The following PLAAT1 variants were observed in gnomAD, a reference collection of about 807,000 sequenced individuals.
The protein encoded by PLAAT1 is H-REV107 protein-related protein.
PLAAT1 carries 13 observed loss-of-function variants against 16.4 expected under a neutral mutation model. The observed-to-expected ratio is 0.79, with a 90% CI of 0.52 to 1.26. The LOEUF (loss-of-function observed/expected upper bound fraction) is 1.26. Among genes scored for constraint, PLAAT1 ranks in the 50% most tolerant of loss-of-function variants. PLAAT1 has a pLI of 0.00. For synonymous variants in PLAAT1, 73 were observed against 78.4 expected (o/e 0.93, Z 0.36); for missense variants, 218 against 207.8 (o/e 1.05, Z -0.30).
chr3:193,242,268 C>T (rs1715793133), intron 1 of PLAAT1, among the ~76,000 whole-genome samples: 1 of 152,036 alleles, frequency 6.6e-6, no homozygotes, highest in African/African-American at 2.4e-5. Context: ...ATAGCGTATG[C>T]CCCACAAGAG....
chr3:193,272,210 G>A (rs139112263), downstream of PLAAT1, among the ~76,000 whole-genome samples: 879 of 152,246 alleles, frequency 5.8e-3, 11 homozygotes, highest in African/African-American at 0.02. Flanking sequence ...TTGGGAGGCC[G>A]AGGCAGGTGG....
rs1021682467 is a variant in PLAAT1 at position 193,241,377 on chromosome 3, T to A, written c.-157T>A. 2 of 1,231,448 alleles carry A rather than the reference T, an allele frequency of 1.6e-6. No individual in the cohort carries two copies. Among genetic ancestry groups the A allele is most frequent in the Non-Finnish European group, 2.0e-6 (2 of 987,944 alleles). The allele number at this position is 1,231,448 out of a possible 1,614,324, so 76.3% of individuals were successfully genotyped here. On this transcript the variant is annotated 5_prime_UTR_variant, in exon 1 of 4. Transcript: ENST00000264735. ...GTTGGCCCTGGAGGACGGCCCCGAGTGATGGCTGGCGCCTGCCTCCCGGGT... is the reference window on the plus strand; with the variant it reads ...GTTGGCCCTGGAGGACGGCCCCGAGAGATGGCTGGCGCCTGCCTCCCGGGT...
downstream of PLAAT1, among the ~76,000 whole-genome samples, chr3:193,280,751 G>A (rs1349922397): frequency 6.6e-6 from 1 of 152,000 alleles, no homozygotes; most frequent in Non-Finnish European, 1.5e-5. Context: ...TCACCTTCAG[G>A]CCCAAACAAC....
chr3:193,244,678 G>C (rs972092795), intron 1 of PLAAT1, among the ~76,000 whole-genome samples: 6 of 151,954 alleles, frequency 3.9e-5, no homozygotes, highest in Non-Finnish European at 8.8e-5. Context: ...CAAGGTCAAG[G>C]GACCACTTCT....
Position 193,263,101 on chromosome 3 carries a change from C to G in PLAAT1, c.271C>G (p.Pro91Ala). The G allele has an allele frequency of 2.5e-6, 4 of 1,614,044 alleles. No individual in the cohort carries two copies. The highest frequency in any genetic ancestry group is 1.7e-5 in the Admixed American group (1 of 60,004). ...RINNKYDETY[P>A]PLPVEEIIKR... ...AAACAATAAATACGATGAAACGTAC[C>G]CCCCTCTCCCTGTGGAAGAAATCAT... The change falls in exon 3 of 4, where the codon CCC becomes GCC. Residue 91 changes from proline (P) to alanine (A), a missense_variant. By Grantham distance (27) the Pro-to-Ala change is conservative. Coordinates refer to ENST00000264735, the MANE Select transcript of PLAAT1 (RefSeq NM_020386.5).
At chr3:193,240,974 G>T (rs934765681), upstream of PLAAT1, among the ~76,000 whole-genome samples, 1 of 152,264 alleles carries the variant, frequency 6.6e-6, no homozygotes, top group East Asian at 1.9e-4. Flanking sequence ...CCTAAACGTT[G>T]GCTGCGGGAA....
chr3:193,269,530 C>T (rs975843084), intron 3 of PLAAT1, among the ~76,000 whole-genome samples: 12 of 152,160 alleles, frequency 7.9e-5, no homozygotes, highest in African/African-American at 2.9e-4. Flanking sequence ...TGCAGTAATA[C>T]GTGGGTGGCA....
intron 3 of PLAAT1, among the ~76,000 whole-genome samples, chr3:193,265,868 A>C (rs1224241699): frequency 1.3e-5 from 2 of 152,188 alleles, no homozygotes; most frequent in African/African-American, 4.8e-5. Flanking sequence ...AGTGGTGTAG[A>C]TAGGAAATAG....
chr3:193,263,005 G>A lies in PLAAT1; in HGVS notation c.175G>A (p.Val59Ile). 2 of 1,614,158 alleles carry A rather than the reference G, an allele frequency of 1.2e-6. No homozygotes were observed. The highest frequency in any genetic ancestry group is 1.7e-6 in the Non-Finnish European group (2 of 1,180,024). The change falls in exon 3 of 4, where the codon GTA becomes ATA. Residue 59 changes from valine to isoleucine, a missense_variant. Transcript: ENST00000264735. ...IPASFTSAKS[V>I]FSSKALVKMQ... Reference sequence around the variant, plus strand: ...TGCGTCCTTTACAAGCGCCAAGTCTGTATTCAGCAGTAAGGCCCTGGTGAA... The same window carrying A: ...TGCGTCCTTTACAAGCGCCAAGTCTATATTCAGCAGTAAGGCCCTGGTGAA...
chr3:193,245,427 T>A (rs2108777938), intron 1 of PLAAT1, among the ~76,000 whole-genome samples: 1 of 152,326 alleles, frequency 6.6e-6, no homozygotes, highest in South Asian at 2.1e-4. Flanking sequence ...CACATTTTTA[T>A]CCGTTTATCC....
Position 193,255,681 on chromosome 3 carries a change from T to G in PLAAT1, c.31T>G (p.Tyr11Asp). The G allele has an allele frequency of 6.2e-7, 1 of 1,612,142 alleles. No homozygotes were observed. Among genetic ancestry groups the G allele is most frequent in the Non-Finnish European group, 8.5e-7 (1 of 1,178,798 alleles). Reference protein sequence around the residue: MAFNDCFSLNYPGNPCPGDLI... With the variant: MAFNDCFSLNDPGNPCPGDLI... ...GTTTAATGATTGCTTCAGTTTGAAC[T>G]ACCCTGGCAACCCCTGCCCAGGGGA... The change falls in exon 2 of 4, where the codon TAC becomes GAC. Residue 11 changes from tyrosine to aspartate, a missense_variant. Coordinates refer to ENST00000264735, the MANE Select transcript of PLAAT1 (RefSeq NM_020386.5).
At chr3:193,255,878 A>C in intron 2 of PLAAT1, 89 bp downstream of exon 2, 1 of 1,169,990 alleles carries the variant, frequency 8.5e-7, no homozygotes, top group East Asian at 2.7e-5. Flanking sequence ...AAACAAAACA[A>C]AATCGAAATA....
chr3:193,279,011 CTACTT>C (rs1211147269), downstream of PLAAT1, among the ~76,000 whole-genome samples: 1 of 152,054 alleles, frequency 6.6e-6, no homozygotes, highest in Non-Finnish European at 1.5e-5. Context: ...CCCTTTATAA[CTACTT>C]TATAAAGGAT....
downstream of PLAAT1, chr3:193,270,970 CA>C (rs1716967084): frequency 2.0e-6 from 1 of 498,354 alleles, no homozygotes; most frequent in African/African-American, 2.0e-5. Context: ...AAAATCTCAT[CA>C]CATTTTATTT....
chr3:193,243,679 T>C (rs1715865743), intron 1 of PLAAT1, among the ~76,000 whole-genome samples: 1 of 152,228 alleles, frequency 6.6e-6, no homozygotes, highest in Non-Finnish European at 1.5e-5. Flanking sequence ...ACACCTGAAA[T>C]TGAATTCCAG....
At chr3:193,242,001 A>G (rs1016183801) in intron 1 of PLAAT1, among the ~76,000 whole-genome samples, 2 of 152,286 alleles carry the variant, frequency 1.3e-5, no homozygotes, top group Admixed American at 1.3e-4. Flanking sequence ...GACTGAAGGT[A>G]TAGAGCAAGC....
At chr3:193,280,290 G>A (rs150028690), downstream of PLAAT1, among the ~76,000 whole-genome samples, 956 of 152,104 alleles carry the variant, frequency 6.3e-3, 11 homozygotes, top group African/African-American at 0.022. Flanking sequence ...CCTGACCTGC[G>A]ATCCACCCGC....
intron 1 of PLAAT1, among the ~76,000 whole-genome samples, chr3:193,249,361 T>C (rs905322271): frequency 6.6e-6 from 1 of 152,218 alleles, no homozygotes; most frequent in Non-Finnish European, 1.5e-5. Flanking sequence ...AGGAAGGTTT[T>C]CGCAATTGCA....
intron 2 of PLAAT1, among the ~76,000 whole-genome samples, chr3:193,260,615 A>T (rs919606014): frequency 1.3e-5 from 2 of 152,214 alleles, no homozygotes; most frequent in Non-Finnish European, 2.9e-5. Flanking sequence ...ATCACTAATC[A>T]TAGAAATGCA....
Sources: gnomAD v4.1 joint callset for allele counts (sites outside exome capture counted in the v4.1 genomes callset) on GRCh38, gnomAD v4.1.1 for gene constraint, MANE v1.5 for transcripts, NCBI Gene and HGNC (gene_info 2026-07-23, HGNC 2026-07-21) for gene names.